The following TAOK3 variants were observed in gnomAD, a reference collection of about 807,000 sequenced individuals.
TAOK3 encodes serine/threonine-protein kinase TAO3.
TAOK3 carries 40 observed loss-of-function variants against 120.4 expected under a neutral mutation model. The ratio of observed to expected loss-of-function variants is 0.33; its 90% CI spans 0.26 to 0.43. The LOEUF is 0.43. Among genes scored for constraint, TAOK3 ranks in the 20% least tolerant of loss-of-function variants. TAOK3 has a pLI of 1.00. For missense variants in TAOK3, 821 were observed against 1,112.1 expected, an observed-to-expected ratio of 0.74 and a Z score of 3.72; for synonymous variants, 355 against 387.5, an observed-to-expected ratio of 0.92 and a Z score of 0.99.
At chr12:118,207,571 T>A (rs1035152638) in intron 11 of TAOK3, among the ~76,000 whole-genome samples, 3 of 152,012 alleles carry the variant, frequency 2.0e-5, no homozygotes, top group African/African-American at 7.2e-5. Context: ...AACGATTGCA[T>A]AGGCTGTATG....
chr12:118,314,387 T>C (rs1266397475), intron 1 of TAOK3, among the ~76,000 whole-genome samples: 2 of 152,214 alleles, frequency 1.3e-5, no homozygotes, highest in South Asian at 2.1e-4. Context: ...TCAAAAAATA[T>C]TGAGTAATAA....
intron 1 of TAOK3, among the ~76,000 whole-genome samples, chr12:118,338,101 T>G (rs1311168460): frequency 1.3e-5 from 2 of 152,246 alleles, no homozygotes; most frequent in Non-Finnish European, 2.9e-5. Flanking sequence ...ATGTAGCTCA[T>G]GTACAGTTAT....
chr12:118,329,299 G>A (rs1038671818), intron 1 of TAOK3, among the ~76,000 whole-genome samples: 92 of 152,242 alleles, frequency 6.0e-4, no homozygotes, highest in African/African-American at 2.2e-3. Flanking sequence ...TAGTGACTTG[G>A]TTGCTAGAGT....
chr12:118,247,637 C>G (rs2040574377), intron 3 of TAOK3, among the ~76,000 whole-genome samples: 1 of 152,078 alleles, frequency 6.6e-6, no homozygotes, highest in South Asian at 2.1e-4. Flanking sequence ...ACCACAGCCT[C>G]TTGAGTAGCT....
intron 1 of TAOK3, among the ~76,000 whole-genome samples, chr12:118,338,825 A>AGCAAAT (rs1490453026): frequency 2.1e-5 from 3 of 145,934 alleles, no homozygotes; most frequent in African/African-American, 7.5e-5. Flanking sequence ...GAGAAAACGG[A>AGCAAAT]GCAAATGAAT....
chr12:118,274,531 T>C (rs767469759), intron 1 of TAOK3, among the ~76,000 whole-genome samples: 1 of 152,226 alleles, frequency 6.6e-6, no homozygotes, highest in Non-Finnish European at 1.5e-5. Flanking sequence ...TTTTGATTTC[T>C]TATGGAGTAT....
intron 1 of TAOK3, among the ~76,000 whole-genome samples, chr12:118,311,638 A>G (rs756283658): frequency 6.6e-6 from 1 of 151,828 alleles, no homozygotes; most frequent in Non-Finnish European, 1.5e-5. Flanking sequence ...TTTTAAAAAC[A>G]GCATTAGATC....
At chr12:118,362,426 G>T (rs565867747) in intron 1 of TAOK3, among the ~76,000 whole-genome samples, 65 of 152,152 alleles carry the variant, frequency 4.3e-4, no homozygotes, top group African/African-American at 1.5e-3. Context: ...ATCCTGGGGT[G>T]CATGCAGCCT....
At chr12:118,233,900 A>C in intron 8 of TAOK3, 135 bp from the exon 9 acceptor site, 2 of 633,770 alleles carry the variant, frequency 3.2e-6, no homozygotes, top group Admixed American at 6.6e-5. Flanking sequence ...CCTTACACAA[A>C]TAATTTTGAA....
intron 3 of TAOK3, among the ~76,000 whole-genome samples, chr12:118,248,261 G>C (rs1163354826): frequency 6.7e-6 from 1 of 148,746 alleles, no homozygotes; most frequent in Non-Finnish European, 1.5e-5. Flanking sequence ...AAAGCATTAA[G>C]GTAAAAGTAC....
chr12:118,369,873 A>G (rs566559916), intron 1 of TAOK3, among the ~76,000 whole-genome samples: 5 of 151,962 alleles, frequency 3.3e-5, no homozygotes, highest in Non-Finnish European at 7.4e-5. Context: ...ACTTCTAGTT[A>G]GCGGAATTTT....
chr12:118,216,128 G>C (rs2038889538), intron 9 of TAOK3, among the ~76,000 whole-genome samples: 2 of 152,114 alleles, frequency 1.3e-5, no homozygotes, highest in African/African-American at 4.8e-5. Flanking sequence ...AACCCAGGAG[G>C]TGGAGGTTTC....
In TAOK3 at chr12:118,235,583, T is replaced by A. The variant is rs748756013; in HGVS notation, c.526A>T (p.Asn176Tyr). The change falls in exon 8 of 21, where the codon AAC becomes TAC. Residue 176 changes from asparagine (N) to tyrosine (Y), a missense_variant. Physicochemically the swap from Asn to Tyr is moderately radical, Grantham distance 143. This residue lies in a region of TAOK3 where 467 missense variants were observed against 540.0 expected (regional missense o/e 0.86). Transcript: ENST00000392533. ...CAGTAAGGTGTGCCCACGAAGGAGT[T>A]GGCAGGAGAAGCCATTGAAGCAGAT... Reference protein sequence around the residue: ...FGSASMASPANSFVGTPYWMA... With the variant: ...FGSASMASPAYSFVGTPYWMA... 3 of 1,613,838 alleles carry A rather than the reference T, an allele frequency of 1.9e-6. No individual in the cohort carries two copies. The highest frequency in any genetic ancestry group is 2.5e-6 in the Non-Finnish European group (3 of 1,179,828).
At chr12:118,361,194 T>C (rs1402176338) in intron 1 of TAOK3, among the ~76,000 whole-genome samples, 3 of 152,188 alleles carry the variant, frequency 2.0e-5, no homozygotes, top group Non-Finnish European at 4.4e-5. Flanking sequence ...TTTGGTCTTA[T>C]TAGACTTTAA....
At chr12:118,205,076 A>G (rs925081491) in intron 11 of TAOK3, among the ~76,000 whole-genome samples, 1 of 152,038 alleles carries the variant, frequency 6.6e-6, no homozygotes, top group African/African-American at 2.4e-5. Context: ...AGGCTGAGGC[A>G]GGAGAATTGC....
At chr12:118,159,460 G>T (rs2035073325) in intron 19 of TAOK3, among the ~76,000 whole-genome samples, 1 of 151,960 alleles carries the variant, frequency 6.6e-6, no homozygotes, top group Non-Finnish European at 1.5e-5. Context: ...ACAGGTGCCT[G>T]CCCAGCTAAT....
intron 3 of TAOK3, among the ~76,000 whole-genome samples, chr12:118,255,116 A>G (rs2040926037): frequency 6.6e-6 from 1 of 152,014 alleles, no homozygotes; most frequent in Admixed American, 6.6e-5. Context: ...GATTATAAAT[A>G]CCACTGAATT....
intron 2 of TAOK3, among the ~76,000 whole-genome samples, chr12:118,264,446 AAGTC>A (rs2041358488): frequency 6.6e-6 from 1 of 152,228 alleles, no homozygotes; most frequent in African/African-American, 2.4e-5. Context: ...TGTGTAAAAG[AAGTC>A]AGACAAAAAA....
chr12:118,294,403 T>G (rs959147083), intron 1 of TAOK3, among the ~76,000 whole-genome samples: 2 of 151,934 alleles, frequency 1.3e-5, no homozygotes, highest in African/African-American at 4.8e-5. Flanking sequence ...TTTCTTTTTT[T>G]GATAGAGTCT....
Sources: allele counts gnomAD v4.1 joint callset (sites outside exome capture counted in the v4.1 genomes callset), GRCh38; gene constraint gnomAD v4.1.1; regional missense constraint gnomAD v4.1.1; transcripts MANE v1.5; gene names NCBI Gene and HGNC (gene_info 2026-07-23, HGNC 2026-07-21).